CLASP1: variants seen among roughly 807,000 people sequenced by gnomAD.
CLASP1 encodes the protein CLIP-associating protein 1.
A neutral mutation model predicts 192.3 loss-of-function variants in CLASP1; 38 were observed. The ratio of observed to expected loss-of-function variants is 0.20; its 90% CI spans 0.15 to 0.26. The LOEUF (loss-of-function observed/expected upper bound fraction) is 0.26, where lower values mean the gene tolerates loss of function less well. Among genes scored for constraint, CLASP1 ranks in the 10% least tolerant of loss-of-function variants. The pLI, the probability that CLASP1 is intolerant of heterozygous loss-of-function variation, is 1.00. For missense variants in CLASP1, 1,433 were observed against 1,932.5 expected, an observed-to-expected ratio of 0.74 and a Z score of 4.85; for synonymous variants, 691 against 712.8, an observed-to-expected ratio of 0.97 and a Z score of 0.49.
intron 35 of CLASP1, among the ~76,000 whole-genome samples, chr2:121,365,856 A>G: frequency 6.6e-6 from 1 of 152,228 alleles, no homozygotes. Flanking sequence ...TGTGGAGACT[A>G]AAAACTGGCC....
chr2:121,482,928 A>G (rs1259584031), intron 8 of CLASP1, among the ~76,000 whole-genome samples: 1 of 152,176 alleles, frequency 6.6e-6, no homozygotes, highest in African/African-American at 2.4e-5. Context: ...AAACAGACAG[A>G]GCCTTCTCCA....
chr2:121,549,207 T>C (rs1469629327), intron 2 of CLASP1, among the ~76,000 whole-genome samples: 1 of 152,158 alleles, frequency 6.6e-6, no homozygotes, highest in Non-Finnish European at 1.5e-5. Flanking sequence ...TCACATGCAA[T>C]GACACCCATA....
chr2:121,576,457 GCTTC>G (rs371382387), intron 2 of CLASP1, among the ~76,000 whole-genome samples: 2 of 152,166 alleles, frequency 1.3e-5, no homozygotes, highest in African/African-American at 4.8e-5. Flanking sequence ...AGGTAAAAGT[GCTTC>G]CTTGTGTTCG....
chr2:121,521,686 C>T (rs911100456), intron 6 of CLASP1, among the ~76,000 whole-genome samples: 17 of 152,236 alleles, frequency 1.1e-4, no homozygotes, highest in Non-Finnish European at 2.4e-4. Context: ...GAAACGAACA[C>T]TTGCCAAGTT....
chr2:121,519,612 T>C (rs1471799781), intron 6 of CLASP1, among the ~76,000 whole-genome samples: 1 of 152,234 alleles, frequency 6.6e-6, no homozygotes, highest in Admixed American at 6.5e-5. Context: ...AAACCAGCTT[T>C]ATGCCAGCAG....
chr2:121,358,395 G>A (rs2065797701), intron 37 of CLASP1, among the ~76,000 whole-genome samples: 1 of 152,200 alleles, frequency 6.6e-6, no homozygotes, highest in Non-Finnish European at 1.5e-5. Flanking sequence ...TTTCTCCAGA[G>A]TTCATGCAGT....
At chr2:121,422,014 T>C (rs756141194) in intron 22 of CLASP1, among the ~76,000 whole-genome samples, 3 of 152,314 alleles carry the variant, frequency 2.0e-5, no homozygotes, top group South Asian at 2.1e-4. Context: ...GAAAACATAC[T>C]TGTACTGTGA....
intron 8 of CLASP1, among the ~76,000 whole-genome samples, chr2:121,477,597 A>G (rs549485282): frequency 5.9e-5 from 9 of 152,320 alleles, no homozygotes; most frequent in African/African-American, 1.2e-4. Context: ...TTCTATACAC[A>G]CATGCATAAA....
chr2:121,636,370 A>ATAC (rs944855747), intron 1 of CLASP1, among the ~76,000 whole-genome samples: 3 of 148,150 alleles, frequency 2.0e-5, no homozygotes, highest in African/African-American at 4.9e-5. Context: ...AATAATAATA[A>ATAC]TAATAAATTT....
chr2:121,553,669 C>G (rs1381610072), intron 2 of CLASP1, among the ~76,000 whole-genome samples: 1 of 152,062 alleles, frequency 6.6e-6, no homozygotes, highest in East Asian at 1.9e-4. Context: ...TCACTACACT[C>G]CAGCCTGGTG....
chr2:121,403,323 T>C (rs1304292430), intron 26 of CLASP1: 2 of 440,790 alleles, frequency 4.5e-6, no homozygotes, highest in Admixed American at 4.9e-5. Context: ...TCTATATCCC[T>C]GCCCCAGAGC....
chr2:121,522,830 G>A (rs2094488826), intron 6 of CLASP1, among the ~76,000 whole-genome samples: 1 of 152,122 alleles, frequency 6.6e-6, no homozygotes. Context: ...CTGCAATTAA[G>A]GTTTTTCATA....
intron 14 of CLASP1, among the ~76,000 whole-genome samples, chr2:121,452,352 C>T (rs989189533): frequency 1.3e-5 from 2 of 152,192 alleles, no homozygotes; most frequent in African/African-American, 4.8e-5. Context: ...TCTCCAACTA[C>T]TTTGCTTTCC....
intron 21 of CLASP1, among the ~76,000 whole-genome samples, chr2:121,426,364 T>C (rs2080380878): frequency 1.3e-5 from 2 of 152,120 alleles, no homozygotes; most frequent in African/African-American, 4.8e-5. Context: ...CCAAACAACA[T>C]AGTTTTGAAA....
In CLASP1 at chr2:121,436,102, G is replaced by A. The variant is rs186986118; in HGVS notation, c.1913-5925C>T. Among the ~76,000 whole-genome samples, 310 of 151,674 alleles carry A rather than the reference G, an allele frequency of 2.0e-3. 1 individual carries two copies. The highest frequency in any genetic ancestry group is 7.2e-3 in the African/African-American group (297 of 41,352). ...GTTGGAGTACAGTGGTGTGATCTCA[G>A]CTTACTGCAATCTCTGCCTCCCAGG... On this transcript the variant is annotated intron_variant, in intron 19 of 39. Transcript: ENST00000263710.
chr2:121,595,380 A>G (rs903707906), intron 2 of CLASP1, among the ~76,000 whole-genome samples: 2 of 152,248 alleles, frequency 1.3e-5, no homozygotes, highest in African/African-American at 2.4e-5. Context: ...ATGGCGCTTA[A>G]TAAGTGTTAG....
intron 28 of CLASP1, 78 bp downstream of exon 29, chr2:121,401,431 G>A: frequency 8.8e-7 from 1 of 1,138,842 alleles, no homozygotes; most frequent in East Asian, 2.4e-5. Flanking sequence ...AAAGGCCATG[G>A]GTAACAAAAG....
chr2:121,353,854 G>T (rs1427975336), intron 37 of CLASP1, among the ~76,000 whole-genome samples: 1 of 152,156 alleles, frequency 6.6e-6, no homozygotes, highest in Non-Finnish European at 1.5e-5. Context: ...GCGATGGTGT[G>T]ATCATGGCTC....
In CLASP1 at chr2:121,446,721, T is replaced by C. The variant is rs2084418083; in HGVS notation, c.1912+616A>G. 2.6e-5 allele frequency among the ~76,000 whole-genome samples: 4 copies of C among 152,216 alleles called. No individual in the cohort carries two copies. The South Asian group carries it at 8.3e-4, about 32-fold the overall frequency. ...TGTCAGATGCTAAAAGTTTTGGAAG[T>C]AGTTTTTAAAAAACTTTTTTGGGCA... On this transcript the variant is annotated intron_variant, in intron 19 of 39. Transcript: ENST00000263710.
Sources: allele counts gnomAD v4.1 joint callset (sites outside exome capture counted in the v4.1 genomes callset), GRCh38; gene constraint gnomAD v4.1.1; transcripts MANE v1.5; gene names NCBI Gene and HGNC (gene_info 2026-07-23, HGNC 2026-07-21).